L3MBTL4: variants seen among roughly 807,000 people sequenced by gnomAD.
L3MBTL4 encodes lethal(3)malignant brain tumor-like protein 4.
Under a neutral mutation model 84.5 loss-of-function variants are expected in L3MBTL4, and 70 were observed. The observed-to-expected ratio is 0.83, with a 90% confidence interval of 0.68 to 1.01. The LOEUF (loss-of-function observed/expected upper bound fraction) is 1.01, where lower values mean the gene tolerates loss of function less well. L3MBTL4 is among the 50% of genes least tolerant of loss of function. The pLI is 0.00. For missense variants in L3MBTL4, 715 were observed against 754.8 expected (o/e 0.95, Z 0.62); for synonymous variants, 274 against 259.8 (o/e 1.05, Z -0.52).
intron 12 of L3MBTL4, among the ~76,000 whole-genome samples, chr18:6,202,132 T>C (rs937708129): frequency 6.6e-6 from 1 of 152,152 alleles, no homozygotes; most frequent in Non-Finnish European, 1.5e-5. Context: ...TTTCTGTACC[T>C]CCCTTCCCTT....
Position 6,329,193 on chromosome 18 carries a change from G to A in L3MBTL4, c.-90-17137C>T, listed in dbSNP as rs545384438. Among the ~76,000 whole-genome samples the A allele has an allele frequency of 1.8e-3, 239 of 135,088 alleles. 2 individuals are homozygous for A. Among genetic ancestry groups the A allele is most frequent in the Middle Eastern group, 0.017 (4 of 230 alleles). The allele number at this position is 135,088 out of a possible 152,430, so 88.6% of individuals were successfully genotyped here. A position where few individuals can be genotyped will look rare whatever the true frequency, so the allele number is the denominator to read the frequency against. ...TTTTGAGACGGAGTTTGGCTTTGTC[G>A]CCCAGGCTGGAGTGCAGTGGTGCGA... On this transcript the variant is annotated intron_variant, in intron 1 of 18. Transcript: ENST00000317931.
intron 13 of L3MBTL4, among the ~76,000 whole-genome samples, chr18:6,165,213 C>A (rs1296533727): frequency 6.6e-6 from 1 of 152,124 alleles, no homozygotes; most frequent in Non-Finnish European, 1.5e-5. Context: ...GATTGGTGTA[C>A]CTGAAAGTGA....
intron 18 of L3MBTL4, among the ~76,000 whole-genome samples, chr18:5,958,049 G>A (rs1270750524): frequency 7.5e-6 from 1 of 132,506 alleles, no homozygotes; most frequent in Non-Finnish European, 1.5e-5. Flanking sequence ...AGGAGGAGAA[G>A]GAGAAGGAGA....
intron 13 of L3MBTL4, among the ~76,000 whole-genome samples, chr18:6,146,882 T>C (rs528788844): frequency 1.3e-5 from 2 of 151,960 alleles, no homozygotes; most frequent in Non-Finnish European, 2.9e-5. Flanking sequence ...GGACTGTCAG[T>C]AGTCCCAGTC....
chr18:6,005,256 G>T (rs1775370383), intron 16 of L3MBTL4, among the ~76,000 whole-genome samples: 1 of 151,816 alleles, frequency 6.6e-6, no homozygotes, highest in African/African-American at 2.4e-5. Context: ...TGAAGCAGGA[G>T]AATTGCTTGA....
intron 14 of L3MBTL4, among the ~76,000 whole-genome samples, chr18:6,124,478 C>T (rs1170037851): frequency 4.0e-5 from 6 of 149,334 alleles, no homozygotes; most frequent in Non-Finnish European, 8.9e-5. Context: ...ATTATATATA[C>T]ACACCAATAC....
intron 12 of L3MBTL4, among the ~76,000 whole-genome samples, chr18:6,177,087 A>G (rs1474684249): frequency 6.6e-6 from 1 of 152,192 alleles, no homozygotes; most frequent in Non-Finnish European, 1.5e-5. Flanking sequence ...ACTACTTTTT[A>G]AAGAAGCTTA....
intron 14 of L3MBTL4, among the ~76,000 whole-genome samples, chr18:6,131,222 A>C (rs9961417): frequency 0.014 from 2,064 of 152,270 alleles, 49 homozygotes; most frequent in African/African-American, 0.047. Context: ...TTCTGCTTGC[A>C]AGCACTCCAC....
At chr18:6,287,314 A>T (rs970250546) in intron 4 of L3MBTL4, among the ~76,000 whole-genome samples, 1 of 152,150 alleles carries the variant, frequency 6.6e-6, no homozygotes, top group Non-Finnish European at 1.5e-5. Flanking sequence ...TCACACCTCA[A>T]TTGATACACG....
chr18:6,079,842 G>A (rs2058009075), intron 16 of L3MBTL4: 1 of 152,162 alleles, frequency 6.6e-6, no homozygotes, highest in African/African-American at 2.4e-5. Context: ...AAGCAGACTT[G>A]AGCTCTGGTT....
intron 1 of L3MBTL4, among the ~76,000 whole-genome samples, chr18:6,368,223 G>GC (rs2054013893): frequency 6.6e-6 from 1 of 151,828 alleles, no homozygotes; most frequent in Non-Finnish European, 1.5e-5. Context: ...GCTTCTCCAT[G>GC]ACTCACAGTG....
intron 12 of L3MBTL4, among the ~76,000 whole-genome samples, chr18:6,189,330 G>C (rs1296114316): frequency 2.0e-5 from 3 of 152,138 alleles, no homozygotes; most frequent in African/African-American, 4.8e-5. Context: ...CTCAAATAAA[G>C]TCACAATCAC....
intron 10 of L3MBTL4, among the ~76,000 whole-genome samples, chr18:6,225,264 T>C (rs891521047): frequency 2.6e-5 from 4 of 152,210 alleles, no homozygotes; most frequent in African/African-American, 9.6e-5. Flanking sequence ...AGTGATTCTA[T>C]ACAAGTGGGT....
At chr18:6,339,699 C>T (rs1420223323) in intron 1 of L3MBTL4, among the ~76,000 whole-genome samples, 1 of 151,426 alleles carries the variant, frequency 6.6e-6, no homozygotes, top group African/African-American at 2.4e-5. Flanking sequence ...CAAGGCAAGA[C>T]AAAAAGCAAA....
chr18:6,226,471 G>T (rs138683135), intron 10 of L3MBTL4, among the ~76,000 whole-genome samples: 2 of 151,702 alleles, frequency 1.3e-5, no homozygotes, highest in East Asian at 3.9e-4. Context: ...AAACAAATAC[G>T]GTAACAGCCT....
chr18:6,175,008 A>C (rs554291215), intron 12 of L3MBTL4, among the ~76,000 whole-genome samples: 7 of 152,286 alleles, frequency 4.6e-5, no homozygotes, highest in African/African-American at 1.7e-4. Flanking sequence ...AAACAAAACC[A>C]ACGCAGAAAG....
At chr18:6,073,206 C>T (rs995339801) in intron 16 of L3MBTL4, among the ~76,000 whole-genome samples, 2 of 150,936 alleles carry the variant, frequency 1.3e-5, no homozygotes, top group Non-Finnish European at 2.9e-5. Flanking sequence ...AGAAAACGCA[C>T]AAGCACATAA....
intron 1 of L3MBTL4, among the ~76,000 whole-genome samples, chr18:6,391,460 A>T (rs1181486624): frequency 6.6e-6 from 1 of 152,186 alleles, no homozygotes; most frequent in Non-Finnish European, 1.5e-5. Flanking sequence ...TCTATTCAAC[A>T]TAGTGATAGT....
chr18:6,155,437 G>A (rs192285401), intron 13 of L3MBTL4, among the ~76,000 whole-genome samples: 16 of 152,254 alleles, frequency 1.1e-4, no homozygotes, highest in Non-Finnish European at 1.6e-4. Flanking sequence ...AGGATGAGAA[G>A]CTCCCAAATA....
Sources: allele counts gnomAD v4.1 joint callset (sites outside exome capture counted in the v4.1 genomes callset), GRCh38; gene constraint gnomAD v4.1.1; transcripts MANE v1.5; gene names NCBI Gene and HGNC (gene_info 2026-07-23, HGNC 2026-07-21).